Variants in RBM27 observed in about 807,000 individuals in gnomAD.
RBM27 encodes RNA-binding protein 27.
Under a neutral mutation model 135.3 loss-of-function variants are expected in RBM27, and 22 were observed. That is an observed-to-expected ratio of 0.16 (90% confidence interval 0.12 to 0.23). The LOEUF is 0.23. Among genes scored for constraint, RBM27 ranks in the 10% least tolerant of loss-of-function variants. RBM27 has a pLI of 1.00. For missense variants in RBM27, 1,009 were observed against 1,281.0 expected, an observed-to-expected ratio of 0.79 and a Z score of 3.24; for synonymous variants, 481 against 442.4, an observed-to-expected ratio of 1.09 and a Z score of -1.10.
At chr5:146,210,820 G>A (rs1755901724) in intron 1 of RBM27, among the ~76,000 whole-genome samples, 1 of 151,984 alleles carries the variant, frequency 6.6e-6, no homozygotes, top group Admixed American at 6.6e-5. Context: ...GGTGGCGGGC[G>A]CCTGTAGTCC....
intron 19 of RBM27, among the ~76,000 whole-genome samples, chr5:146,277,633 C>T (rs892545499): frequency 1.3e-5 from 2 of 151,120 alleles, no homozygotes; most frequent in Middle Eastern, 3.2e-3. Flanking sequence ...TGCCATTCTC[C>T]TGCCTCAGCC....
chr5:146,260,091 G>A (rs1758323762), intron 11 of RBM27, among the ~76,000 whole-genome samples: 1 of 151,736 alleles, frequency 6.6e-6, no homozygotes, highest in Admixed American at 6.6e-5. Flanking sequence ...CCGACGCCAG[G>A]AGTTCAAGAC....
chr5:146,208,909 T>C (rs1755821511), intron 1 of RBM27, among the ~76,000 whole-genome samples: 1 of 152,216 alleles, frequency 6.6e-6, no homozygotes, highest in African/African-American at 2.4e-5. Flanking sequence ...TGTAAAACTT[T>C]CTCTTGGTGT....
chr5:146,256,263 C>T (rs959526733), intron 10 of RBM27, among the ~76,000 whole-genome samples: 1 of 147,452 alleles, frequency 6.8e-6, no homozygotes, highest in African/African-American at 2.5e-5. Context: ...ATGAAGACTA[C>T]ACCAAATGCC....
intron 8 of RBM27, among the ~76,000 whole-genome samples, chr5:146,240,709 A>AT (rs1019222737): frequency 1.3e-5 from 2 of 152,016 alleles, no homozygotes; most frequent in East Asian, 1.9e-4. Context: ...CTACTGTTTG[A>AT]TTTTTTTTAA....
chr5:146,284,514 C>G, intron 19 of RBM27, 108 bp from the exon 20 acceptor site: 7 of 747,796 alleles, frequency 9.4e-6, no homozygotes, highest in Non-Finnish European at 1.7e-5. Flanking sequence ...TCCACCTTAA[C>G]AGATTTCTCT....
At chr5:146,243,797 A>T (rs992812862) in intron 8 of RBM27, among the ~76,000 whole-genome samples, 1 of 152,228 alleles carries the variant, frequency 6.6e-6, no homozygotes, top group Non-Finnish European at 1.5e-5. Flanking sequence ...TGAAAAATGC[A>T]TATCAAATGG....
At chr5:146,261,439 A>G (rs1172530570) in intron 12 of RBM27, 71 bp from the exon 13 acceptor site, 5 of 1,264,534 alleles carry the variant, frequency 4.0e-6, no homozygotes, top group Non-Finnish European at 5.6e-6. Flanking sequence ...CATTCATTAC[A>G]TAGCAGTGGG....
intron 19 of RBM27, among the ~76,000 whole-genome samples, chr5:146,278,813 G>A (rs1029745823): frequency 1.3e-5 from 2 of 150,798 alleles, no homozygotes; most frequent in African/African-American, 4.9e-5. Flanking sequence ...GCTCCGCCTC[G>A]CAGGTTCATG....
intron 1 of RBM27, among the ~76,000 whole-genome samples, chr5:146,210,669 C>T (rs1024825856): frequency 7.9e-5 from 12 of 152,172 alleles, no homozygotes; most frequent in Non-Finnish European, 1.0e-4. Context: ...TGTTTATAGC[C>T]GGGCACGGTG....
intron 14 of RBM27, among the ~76,000 whole-genome samples, chr5:146,265,163 C>T (rs1275183794): frequency 6.6e-6 from 1 of 152,064 alleles, no homozygotes; most frequent in East Asian, 1.9e-4. Flanking sequence ...ATGATATACT[C>T]TTTATAATAA....
chr5:146,259,632 T>A, intron 11 of RBM27, among the ~76,000 whole-genome samples: 1 of 152,182 alleles, frequency 6.6e-6, no homozygotes, highest in East Asian at 1.9e-4. Flanking sequence ...TAGTTGGGCC[T>A]TTTCTTTTTG....
At chr5:146,212,041 G>T (rs993931026) in intron 1 of RBM27, among the ~76,000 whole-genome samples, 8 of 151,594 alleles carry the variant, frequency 5.3e-5, no homozygotes, top group Admixed American at 2.0e-4. Context: ...CATCACTTTG[G>T]TTTTTTTGGT....
In RBM27 at chr5:146,251,933, C is replaced by G. The variant is rs1001031591; in HGVS notation, c.1444+58C>G. 38 of 1,557,706 alleles carry G rather than the reference C, an allele frequency of 2.4e-5. 1 individual carries two copies. The Middle Eastern group carries it at 2.3e-3, about 92-fold the overall frequency. On this transcript the variant is annotated intron_variant, in intron 9 of 20. Coordinates refer to ENST00000265271, the MANE Select transcript of RBM27 (RefSeq NM_018989.2). ...CTGATCTTTTTTACCTCAAGCTGGCCAGTCTAAGCGGTGACCTGGCATCCT... is the reference window on the plus strand; with the variant it reads ...CTGATCTTTTTTACCTCAAGCTGGCGAGTCTAAGCGGTGACCTGGCATCCT...
At position 146,230,892 on chromosome 5, in the gene RBM27, A is replaced by G. The variant is rs1756901988; in HGVS notation, c.825A>G (p.Pro275=). ...SSNSFGRNLP[P]KRRCRDYDER... is the part of the protein sequence containing the mutation. ...ATTCTTTTGGTCGAAACCTACCACC[A>G]AAGAGGCGATGCAGAGATTATGATG... is the stretch of plus-strand genomic sequence containing the variant. Residue 275 remains proline (P), a synonymous_variant, in exon 6 of 21, where the codon CCA becomes CCG. Transcript: ENST00000265271. 3.1e-6 allele frequency: 5 copies of G among 1,614,222 alleles called. No individual in the cohort carries two copies. The highest frequency in any genetic ancestry group is 4.2e-6 in the Non-Finnish European group (5 of 1,180,028).
rs1300409285 is a variant in RBM27, at chr5:146,230,890, C to T, written c.823C>T (p.Pro275Ser). ...CAATTCTTTTGGTCGAAACCTACCA[C>T]CAAAGAGGCGATGCAGAGATTATGA... ...SSNSFGRNLP[P>S]KRRCRDYDER... Residue 275 changes from proline (P) to serine (S), a missense_variant, in exon 6 of 21, where the codon CCA becomes TCA. Pro to Ser is a moderately conservative substitution (Grantham distance 74). Coordinates refer to ENST00000265271, the MANE Select transcript of RBM27 (RefSeq NM_018989.2). 6 of 1,614,172 alleles carry T rather than the reference C, an allele frequency of 3.7e-6. No homozygotes were observed. The highest frequency in any genetic ancestry group is 5.1e-6 in the Non-Finnish European group (6 of 1,180,038).
intron 6 of RBM27, among the ~76,000 whole-genome samples, chr5:146,232,394 G>T (rs1282460374): frequency 6.6e-6 from 1 of 152,070 alleles, no homozygotes; most frequent in Non-Finnish European, 1.5e-5. Context: ...AACATAATCT[G>T]TGCGTATGTA....
chr5:146,251,698 C>T lies in RBM27; in HGVS notation c.1280-13C>T. 1 of 1,597,300 alleles carries T rather than the reference C, an allele frequency of 6.3e-7. No homozygotes were observed. The highest frequency in any genetic ancestry group is 8.6e-7 in the Non-Finnish European group (1 of 1,165,132). ...TCTCATTCCCAGCTGCCCTCCTATT[C>T]TTTCCTCTATAGGACAGCCCATGTA... On this transcript the variant is annotated splice_polypyrimidine_tract_variant and intron_variant, in intron 8 of 20. Transcript: ENST00000265271.
chr5:146,282,114 T>G (rs1335502303), intron 19 of RBM27, among the ~76,000 whole-genome samples: 1 of 149,956 alleles, frequency 6.7e-6, no homozygotes, highest in African/African-American at 2.4e-5. Context: ...AGCGATTCTC[T>G]CCTGCCTCAG....
Sources: gnomAD v4.1 joint callset for allele counts (sites outside exome capture counted in the v4.1 genomes callset) on GRCh38, gnomAD v4.1.1 for gene constraint, MANE v1.5 for transcripts, NCBI Gene and HGNC (gene_info 2026-07-23, HGNC 2026-07-21) for gene names.